The following CFAP58 variants were observed in gnomAD, a reference collection of about 807,000 sequenced individuals.
CFAP58 encodes cilia and flagella associated protein 58.
Under a neutral mutation model 119.5 loss-of-function variants are expected in CFAP58, and 88 were observed. That is an observed-to-expected ratio of 0.74 (90% CI 0.62 to 0.88). The LOEUF is 0.88. Among genes scored for constraint, CFAP58 ranks in the 40% least tolerant of loss-of-function variants. The probability of loss-of-function intolerance (pLI) is 0.00; values close to 1 mark genes in which losing one functional copy is unlikely to be tolerated. For missense variants in CFAP58, 990 were observed against 1,021.2 expected (o/e 0.97, Z 0.42); for synonymous variants, 365 against 366.3 (o/e 1.00, Z 0.04).
rs2011721660 is a variant in CFAP58 at position 104,378,817 on chromosome 10, G to T, written c.1174-1212G>T. Among the ~76,000 whole-genome samples the T allele has an allele frequency of 2.0e-5, 3 of 151,980 alleles. No individual in the cohort carries two copies. In the South Asian group the frequency reaches 6.2e-4, roughly 32 times the overall value. Reference sequence around the variant, plus strand: ...TGAACACTTTTGCATGAGCATGGCTGCCAGATTGCACTGCTACTTACTCTG... The same window carrying T: ...TGAACACTTTTGCATGAGCATGGCTTCCAGATTGCACTGCTACTTACTCTG... On this transcript the variant is annotated intron_variant, in intron 8 of 17. Coordinates refer to ENST00000369704, the MANE Select transcript of CFAP58 (RefSeq NM_001008723.2).
At chr10:104,437,528 G>C (rs915205905) in intron 15 of CFAP58, among the ~76,000 whole-genome samples, 2 of 152,088 alleles carry the variant, frequency 1.3e-5, no homozygotes, top group African/African-American at 4.8e-5. Flanking sequence ...CAAGGTAACT[G>C]TAAAATAAAA....
intron 15 of CFAP58, among the ~76,000 whole-genome samples, chr10:104,437,231 C>T (rs1237917002): frequency 6.6e-6 from 1 of 152,202 alleles, no homozygotes; most frequent in Non-Finnish European, 1.5e-5. Flanking sequence ...CCATGTCTGG[C>T]ATATTCTTAA....
At chr10:104,350,526 C>G (rs1422830156), upstream of CFAP58, among the ~76,000 whole-genome samples, 1 of 152,184 alleles carries the variant, frequency 6.6e-6, no homozygotes, top group Non-Finnish European at 1.5e-5. Context: ...CCCCCTGCAT[C>G]TCTTTCCTAT....
intron 1 of CFAP58, among the ~76,000 whole-genome samples, chr10:104,355,889 G>A (rs772965117): frequency 6.6e-6 from 1 of 152,154 alleles, no homozygotes; most frequent in Non-Finnish European, 1.5e-5. Flanking sequence ...TGTGCTAAGT[G>A]CCAGGTAAAC....
intron 9 of CFAP58, among the ~76,000 whole-genome samples, chr10:104,389,276 T>A (rs1426131052): frequency 6.6e-6 from 1 of 152,146 alleles, no homozygotes; most frequent in Non-Finnish European, 1.5e-5. Flanking sequence ...TCCTGACGGG[T>A]TCTTATTACT....
At chr10:104,357,721 C>T (rs1003387551) in intron 1 of CFAP58, among the ~76,000 whole-genome samples, 1 of 151,120 alleles carries the variant, frequency 6.6e-6, no homozygotes, top group African/African-American at 2.4e-5. Context: ...ATATATATCC[C>T]AATGCATATA....
intron 9 of CFAP58, 95 bp from the exon 10 acceptor site, chr10:104,392,138 T>A (rs1187666779): frequency 9.1e-7 from 1 of 1,102,458 alleles, no homozygotes; most frequent in African/African-American, 1.6e-5. Flanking sequence ...CTGGCATCTC[T>A]ACCAGCCACC....
intron 12 of CFAP58, 57 bp downstream of exon 12, chr10:104,399,557 T>A (rs2012225882): frequency 3.2e-6 from 5 of 1,567,402 alleles, no homozygotes; most frequent in Non-Finnish European, 4.3e-6. Flanking sequence ...GGTATTTAAT[T>A]CCACCCTTCG....
At position 104,432,407 on chromosome 10, in the gene CFAP58, A is replaced by T. The variant is rs75359823; in HGVS notation, c.2257-15291A>T. On this transcript the variant is annotated intron_variant, in intron 15 of 17. Coordinates refer to ENST00000369704, the MANE Select transcript of CFAP58 (RefSeq NM_001008723.2). The stretch of plus-strand genomic sequence containing the variant: ...AACCTTATTAGTAATCAAAAGAGTG[A>T]AAATTAAAAGAATAATTATCTTTCC... 9.7e-3 allele frequency among the ~76,000 whole-genome samples: 1,482 copies of T among 152,366 alleles called. 30 individuals are homozygous for T. Among genetic ancestry groups the T allele is most frequent in the African/African-American group, 0.034 (1,411 of 41,576 alleles).
chr10:104,449,446 T>C (rs2013160486), intron 16 of CFAP58, among the ~76,000 whole-genome samples: 1 of 152,138 alleles, frequency 6.6e-6, no homozygotes, highest in Admixed American at 6.5e-5. Flanking sequence ...GATGAGTGAA[T>C]TCCCACTCTT....
chr10:104,451,994 C>A (rs2013203162), intron 17 of CFAP58, among the ~76,000 whole-genome samples: 1 of 152,104 alleles, frequency 6.6e-6, no homozygotes, highest in Admixed American at 6.6e-5. Context: ...TGGCCTTGGC[C>A]TCCCAAAGTG....
intron 8 of CFAP58, among the ~76,000 whole-genome samples, chr10:104,379,224 A>G (rs1261590317): frequency 6.6e-6 from 1 of 151,942 alleles, no homozygotes; most frequent in Non-Finnish European, 1.5e-5. Context: ...GTTTTTATGG[A>G]TCTGACTGTC....
intron 11 of CFAP58, 60 bp downstream of exon 11, chr10:104,393,535 C>T (rs2012094788): frequency 2.0e-6 from 3 of 1,519,552 alleles, no homozygotes; most frequent in Non-Finnish European, 8.9e-7. Flanking sequence ...CAGGCGGCCT[C>T]CAGTCTCACT....
At chr10:104,427,406 G>A (rs190892359) in intron 15 of CFAP58, among the ~76,000 whole-genome samples, 1 of 152,194 alleles carries the variant, frequency 6.6e-6, no homozygotes, top group East Asian at 1.9e-4. Context: ...ACAGAATAAT[G>A]ACAATTTATA....
chr10:104,428,705 A>C (rs554132636), intron 15 of CFAP58, among the ~76,000 whole-genome samples: 2 of 152,292 alleles, frequency 1.3e-5, no homozygotes, highest in South Asian at 2.1e-4. Context: ...TTTCATGTGC[A>C]TGGGTGTGTG....
Position 104,453,261 on chromosome 10 carries a change from A to G in CFAP58, c.2511-1161A>G, listed in dbSNP as rs73336925. 2.0e-3 allele frequency among the ~76,000 whole-genome samples: 299 copies of G among 152,278 alleles called. 2 individuals are homozygous for G. The highest frequency in any genetic ancestry group is 7.0e-3 in the African/African-American group (291 of 41,558). Reference sequence around the variant, plus strand: ...GTTTTGCTGGATCCACTCAAGGCTAAAGCTTTTGTCCTATTTATGGAGAAT... The same window carrying G: ...GTTTTGCTGGATCCACTCAAGGCTAGAGCTTTTGTCCTATTTATGGAGAAT... On this transcript the variant is annotated intron_variant, in intron 17 of 17. Coordinates refer to ENST00000369704, the MANE Select transcript of CFAP58 (RefSeq NM_001008723.2).
chr10:104,402,933 T>C (rs984599128), intron 13 of CFAP58, among the ~76,000 whole-genome samples: 1 of 152,334 alleles, frequency 6.6e-6, no homozygotes, highest in East Asian at 1.9e-4. Flanking sequence ...AGTGTTAGGT[T>C]ATCACCTGAG....
intron 15 of CFAP58, among the ~76,000 whole-genome samples, chr10:104,423,573 T>C (rs973451521): frequency 2.0e-5 from 3 of 150,426 alleles, no homozygotes; most frequent in African/African-American, 7.3e-5. Context: ...CAAATAACAA[T>C]AACATGGCCA....
chr10:104,348,981 T>A (rs1457243736), upstream of CFAP58, among the ~76,000 whole-genome samples: 2 of 152,176 alleles, frequency 1.3e-5, no homozygotes, highest in African/African-American at 4.8e-5. Context: ...GTGTGGTGGC[T>A]CACACCTGTA....
Sources: allele counts gnomAD v4.1 joint callset (sites outside exome capture counted in the v4.1 genomes callset), GRCh38; gene constraint gnomAD v4.1.1; transcripts MANE v1.5; gene names NCBI Gene and HGNC (gene_info 2026-07-23, HGNC 2026-07-21).